ZZEF1: variants seen among roughly 807,000 people sequenced by gnomAD.
ZZEF1 encodes the protein zinc finger ZZ-type and EF-hand domain containing 1, also known as zinc finger ZZ-type and EF-hand domain-containing protein 1.
Under a neutral mutation model 342.8 loss-of-function variants are expected in ZZEF1, and 157 were observed. That is an observed-to-expected ratio of 0.46 (90% confidence interval 0.40 to 0.52). The LOEUF is 0.52. Among genes scored for constraint, ZZEF1 ranks in the 20% least tolerant of loss-of-function variants. The pLI is 0.00. For missense variants in ZZEF1, 3,480 were observed against 3,725.6 expected, an observed-to-expected ratio of 0.93 and a Z score of 1.72; for synonymous variants, 1,505 against 1,429.1, an observed-to-expected ratio of 1.05 and a Z score of -1.20.
At chr17:4,048,354 C>G (rs2056970618) in intron 37 of ZZEF1, among the ~76,000 whole-genome samples, 1 of 152,156 alleles carries the variant, frequency 6.6e-6, no homozygotes, top group Admixed American at 6.5e-5. Flanking sequence ...TTGTATTCCT[C>G]CACATGAGAA....
intron 25 of ZZEF1, chr17:4,071,566 A>G (rs1448380005): frequency 1.3e-5 from 2 of 152,532 alleles, no homozygotes; most frequent in African/African-American, 4.8e-5. Context: ...GAGGGCCCGG[A>G]TAAAGATGCA....
intron 9 of ZZEF1, among the ~76,000 whole-genome samples, chr17:4,099,642 T>A: frequency 6.7e-6 from 1 of 148,270 alleles, no homozygotes. Flanking sequence ...GCCTCCCGGG[T>A]TCAAGCAATT....
chr17:4,112,445 C>T (rs1036787329), intron 5 of ZZEF1, among the ~76,000 whole-genome samples, 164 bp downstream of exon 5: 1 of 152,178 alleles, frequency 6.6e-6, no homozygotes, highest in African/African-American at 2.4e-5. Context: ...CATGCCCCGA[C>T]GCTTTTCTAT....
Position 4,078,050 on chromosome 17 carries a change from G to C in ZZEF1, c.2830-8C>G. ...GAGCATTAACAGCTCGCACTACAAG[G>C]GAGGAGACAAACAGAAAGTGTTCGT... On this transcript the variant is annotated splice_polypyrimidine_tract_variant and splice_region_variant and intron_variant, in intron 18 of 54. Transcript: ENST00000381638. The C allele has an allele frequency of 1.2e-6, 2 of 1,610,282 alleles. No individual in the cohort carries two copies. The highest frequency in any genetic ancestry group is 1.7e-6 in the Non-Finnish European group (2 of 1,177,634).
In ZZEF1 at chr17:4,104,770, A is replaced by G. The variant is rs117935662; in HGVS notation, c.1436T>C (p.Phe479Ser). Residue 479 changes from phenylalanine to serine, a missense_variant, in exon 8 of 55, where the codon TTT becomes TCT. Physicochemically the swap from Phe to Ser is radical, Grantham distance 155. Transcript: ENST00000381638. ...TPEVELTLLA[F>S]ALARGSVAKV... ...GGCAACACTTCCTCTTGCGAGAGCA[A>G]AAGCCAGAAGAGTCAGTTCTACCTC... 17 of 1,614,154 alleles carry G rather than the reference A, an allele frequency of 1.1e-5. No homozygotes were observed. Among genetic ancestry groups the G allele is most frequent in the Non-Finnish European group, 1.4e-5 (16 of 1,180,002 alleles).
At chr17:4,140,758 C>T (rs148898413) in intron 1 of ZZEF1, among the ~76,000 whole-genome samples, 159 of 152,254 alleles carry the variant, frequency 1.0e-3, no homozygotes, top group Middle Eastern at 3.4e-3. Context: ...TGCCTTTGCT[C>T]AAATCTGCAA....
chr17:4,053,099 A>G (rs1157207281), intron 34 of ZZEF1, among the ~76,000 whole-genome samples: 1 of 152,148 alleles, frequency 6.6e-6, no homozygotes, highest in Non-Finnish European at 1.5e-5. Flanking sequence ...GAATACTGTG[A>G]CTGATTTCCT....
intron 16 of ZZEF1, among the ~76,000 whole-genome samples, chr17:4,084,653 C>T (rs1010865531): frequency 4.6e-5 from 7 of 152,250 alleles, no homozygotes; most frequent in South Asian, 4.1e-4. Context: ...CATTTTCATA[C>T]AGAAATACTT....
chr17:4,096,900 G>C (rs2058043263), intron 9 of ZZEF1, among the ~76,000 whole-genome samples, 200 bp from the exon 10 acceptor site: 3 of 152,110 alleles, frequency 2.0e-5, no homozygotes, highest in African/African-American at 7.2e-5. Context: ...AACTGACCAG[G>C]TTCAACTTTC....
At chr17:4,038,672 G>C (rs924906600) in intron 39 of ZZEF1, among the ~76,000 whole-genome samples, 4 of 152,132 alleles carry the variant, frequency 2.6e-5, no homozygotes, top group African/African-American at 7.2e-5. Flanking sequence ...GGGTGTGGTG[G>C]CACATTCCTG....
chr17:4,129,970 C>T (rs1162771086), intron 1 of ZZEF1, among the ~76,000 whole-genome samples: 1 of 151,886 alleles, frequency 6.6e-6, no homozygotes, highest in Non-Finnish European at 1.5e-5. Flanking sequence ...GATGAGAACT[C>T]GAGAACACAA....
At chr17:4,072,786 C>G (rs957477798) in intron 24 of ZZEF1, 30 bp from the exon 25 acceptor site, 1 of 1,551,006 alleles carries the variant, frequency 6.4e-7, no homozygotes, top group African/African-American at 1.4e-5. Context: ...TATGACAGTT[C>G]TATTTTTGCC....
At chr17:4,087,373 A>ATTTT in intron 14 of ZZEF1, 61 bp downstream of exon 14, 1 of 1,382,094 alleles carries the variant, frequency 7.2e-7, no homozygotes. Context: ...TCCACTTAGA[A>ATTTT]TAGTAAAACT....
At chr17:4,069,312 T>C (rs888445778) in intron 26 of ZZEF1, among the ~76,000 whole-genome samples, 1 of 152,186 alleles carries the variant, frequency 6.6e-6, no homozygotes, top group Non-Finnish European at 1.5e-5. Flanking sequence ...CCATACAGGT[T>C]ACATCACCCC....
In ZZEF1 at chr17:4,109,604, G is replaced by A. The variant is rs768197936; in HGVS notation, c.1277+49C>T. The A allele has an allele frequency of 1.3e-5, 21 of 1,580,364 alleles. 1 individual carries two copies. The South Asian group carries it at 2.1e-4, about 16-fold the overall frequency. On this transcript the variant is annotated intron_variant, in intron 6 of 54. Transcript: ENST00000381638. ...AGTGATACGCCCTAAAGGATGATGGGAGAATGAGGGCATGTTGAGGGGGCT... is the reference window on the plus strand; with the variant it reads ...AGTGATACGCCCTAAAGGATGATGGAAGAATGAGGGCATGTTGAGGGGGCT...
rs745540790 is a variant in ZZEF1, at chr17:4,006,349, G to A, written c.*541C>T. The A allele has an allele frequency of 4.0e-5, 7 of 173,752 alleles. No individual in the cohort carries two copies. The highest frequency in any genetic ancestry group is 1.2e-4 in the South Asian group (1 of 8,160). 10.8% of individuals were successfully genotyped at this position (173,752 alleles called of 1,614,324 possible). A position where few individuals can be genotyped will look rare whatever the true frequency, so the allele number is the denominator to read the frequency against. On this transcript the variant is annotated 3_prime_UTR_variant, in exon 55 of 55. Coordinates refer to ENST00000381638, the MANE Select transcript of ZZEF1 (RefSeq NM_015113.4). The stretch of plus-strand genomic sequence containing the variant: ...GTGCGGCCGTGCAGGGAGCTAGCTC[G>A]ATGCCTGGTTCTGTACTGGATGCTT...
At chr17:4,056,852 C>T (rs934936251) in intron 32 of ZZEF1, 1 of 152,142 alleles carries the variant, frequency 6.6e-6, no homozygotes, top group African/African-American at 2.4e-5. Flanking sequence ...AGATCAGGTG[C>T]ATTCAGGGTG....
intron 46 of ZZEF1, among the ~76,000 whole-genome samples, chr17:4,018,174 T>C (rs912335594): frequency 2.6e-5 from 4 of 152,252 alleles, no homozygotes; most frequent in African/African-American, 9.6e-5. Flanking sequence ...TGGCAGGAGA[T>C]GCAAACTCTC....
chr17:4,013,977 GAGAGACAAGT>G, intron 51 of ZZEF1, 103 bp downstream of exon 51: 3 of 1,018,972 alleles, frequency 2.9e-6, no homozygotes, highest in Non-Finnish European at 4.4e-6. Context: ...TGGAAAGTGT[GAGAGACAAGT>G]ACCTGCTTTG....
Sources: gnomAD v4.1 joint callset for allele counts (sites outside exome capture counted in the v4.1 genomes callset) on GRCh38, gnomAD v4.1.1 for gene constraint, MANE v1.5 for transcripts, NCBI Gene and HGNC (gene_info 2026-07-23, HGNC 2026-07-21) for gene names.